The following SNRNP35 variants were observed in gnomAD, a reference collection of about 807,000 sequenced individuals.
The protein encoded by SNRNP35 is small nuclear ribonucleoprotein U11/U12 subunit 35.
A neutral mutation model predicts 24.3 loss-of-function variants in SNRNP35; 16 were observed. The observed-to-expected ratio is 0.66, with a 90% CI of 0.45 to 1.00. The LOEUF (loss-of-function observed/expected upper bound fraction) is 1.00. Among genes scored for constraint, SNRNP35 ranks in the 50% least tolerant of loss-of-function variants. The pLI is 0.00. For synonymous variants in SNRNP35, 106 were observed against 124.8 expected (o/e 0.85, Z 1.00); for missense variants, 292 against 327.2 (o/e 0.89, Z 0.83).
At chr12:123,472,412 T>A (rs1206342384) in exon 2 of SNRNP35, 11 of 986,496 alleles carry the variant, frequency 1.1e-5, no homozygotes, top group Non-Finnish European at 1.5e-5. Flanking sequence ...ACAGTCTGTT[T>A]GAGGGGTCAG....
downstream of SNRNP35, among the ~76,000 whole-genome samples, chr12:123,469,322 T>G: frequency 6.6e-6 from 1 of 151,928 alleles, no homozygotes; most frequent in East Asian, 1.9e-4. Context: ...GCCCAGCTAA[T>G]TTTTGTATTT....
chr12:123,470,023 G>T (rs1881114372), downstream of SNRNP35: 1 of 151,876 alleles, frequency 6.6e-6, no homozygotes, highest in Non-Finnish European at 1.5e-5. Flanking sequence ...AAAAAGGAAA[G>T]AAGGAATATA....
intron 1 of SNRNP35, chr12:123,464,761 G>GATTATCAGATC (rs1880850050): frequency 6.6e-6 from 1 of 152,308 alleles, no homozygotes; most frequent in African/African-American, 2.4e-5. Flanking sequence ...AGTCTAAACG[G>GATTATCAGATC]ATTATCAGCT....
In SNRNP35 at chr12:123,466,054, A is replaced by C; in HGVS notation, c.514A>C (p.Lys172Gln). ...FRKPINLPVV[K>Q]NDLYREGKRE... ...AAAACCTATTAACTTGCCAGTTGTT[A>C]AAAACGACCTCTATAGAGAGGGAAA... is the stretch of plus-strand genomic sequence containing the variant. Residue 172 changes from lysine to glutamine, a missense_variant, in exon 2 of 2, where the codon AAA becomes CAA. Lys to Gln is a moderately conservative substitution (Grantham distance 53, BLOSUM62 1). Transcript: ENST00000526639. 1.9e-6 allele frequency: 3 copies of C among 1,614,136 alleles called. No homozygotes were observed. The highest frequency in any genetic ancestry group is 2.5e-6 in the Non-Finnish European group (3 of 1,180,040).
At chr12:123,461,969 C>T (rs1445328653) in intron 1 of SNRNP35, among the ~76,000 whole-genome samples, 1 of 152,074 alleles carries the variant, frequency 6.6e-6, no homozygotes, top group Admixed American at 6.6e-5. Flanking sequence ...ATCCGCCTGC[C>T]TCGGCCTCCC....
chr12:123,470,003 T>C (rs140164322), downstream of SNRNP35: 1 of 151,782 alleles, frequency 6.6e-6, no homozygotes, highest in Non-Finnish European at 1.5e-5. Flanking sequence ...TAAGACCTTG[T>C]CCCTTAAGAA....
At chr12:123,461,435 T>A (rs576560953) in intron 1 of SNRNP35, among the ~76,000 whole-genome samples, 68 of 151,940 alleles carry the variant, frequency 4.5e-4, no homozygotes, top group Middle Eastern at 6.8e-3. Flanking sequence ...TGCCTCTTCT[T>A]TTTTTCACGT....
downstream of SNRNP35, chr12:123,471,032 A>T (rs1357838196): frequency 6.6e-6 from 1 of 151,318 alleles, no homozygotes; most frequent in African/African-American, 2.4e-5. Context: ...AGCAGAGTCC[A>T]TTCTAGATTC....
intron 1 of SNRNP35, among the ~76,000 whole-genome samples, chr12:123,460,621 A>AG (rs1326569541): frequency 7.9e-4 from 118 of 149,562 alleles, no homozygotes; most frequent in African/African-American, 2.9e-3. Flanking sequence ...AAAAAAAAAA[A>AG]AAAGCTGGGT....
Position 123,465,443 on chromosome 12 carries a change from G to C in SNRNP35, c.-3-95G>C, listed in dbSNP as rs758802003. On this transcript the variant is annotated intron_variant, in intron 1 of 1. Transcript: ENST00000526639. The surrounding 1 kb of genome is among the most constrained non-coding windows in gnomAD (Gnocchi z 4.2). The stretch of plus-strand genomic sequence containing the variant: ...CTTCCTTTCCTGTTTTTAAGAAGAG[G>C]TGAATGATAGTATCCTTTTCATGGC... 2.2e-5 allele frequency: 30 copies of C among 1,393,420 alleles called. No homozygotes were observed. The highest frequency in any genetic ancestry group is 2.9e-5 in the Non-Finnish European group (30 of 1,045,926). The allele number at this position is 1,393,420 out of a possible 1,614,324, so 86.3% of individuals were successfully genotyped here.
At chr12:123,468,305 G>A (rs1881045155), downstream of SNRNP35, among the ~76,000 whole-genome samples, 2 of 140,488 alleles carry the variant, frequency 1.4e-5, 1 homozygote, top group African/African-American at 5.4e-5. Context: ...GTTGCAGTGA[G>A]CCAAGACCGG....
chr12:123,470,086 A>C (rs996281266), downstream of SNRNP35: 2 of 152,150 alleles, frequency 1.3e-5, no homozygotes, highest in Non-Finnish European at 2.9e-5. Flanking sequence ...ATTTTACATA[A>C]TTGCATGTAT....
chr12:123,460,976 TTTTTTTA>T (rs1360090165), intron 1 of SNRNP35, among the ~76,000 whole-genome samples: 1 of 148,628 alleles, frequency 6.7e-6, no homozygotes, highest in Admixed American at 6.7e-5. Flanking sequence ...TTTTTTTTTT[TTTTTTTA>T]AAAACAGAGA....
downstream of SNRNP35, among the ~76,000 whole-genome samples, chr12:123,469,877 A>T (rs917870115): frequency 7.6e-5 from 3 of 39,512 alleles, no homozygotes; most frequent in South Asian, 1.9e-3. Context: ...CATTTAAATA[A>T]AAAAAAAAAG....
intron 1 of SNRNP35, among the ~76,000 whole-genome samples, chr12:123,460,956 CTT>C (rs35246652): frequency 2.9e-4 from 36 of 122,762 alleles, no homozygotes; most frequent in East Asian, 6.3e-4. Flanking sequence ...TGCGCCTGGC[CTT>C]TTTTTTTTTT....
At chr12:123,468,101 G>A (rs186278529), downstream of SNRNP35, among the ~76,000 whole-genome samples, 56 of 152,204 alleles carry the variant, frequency 3.7e-4, no homozygotes, top group South Asian at 2.7e-3. Context: ...GCTCACGGCT[G>A]TGATCCCAGC....
intron 1 of SNRNP35, among the ~76,000 whole-genome samples, chr12:123,462,485 GTGAGGGTCAGAGGTCTTTT>G (rs1271023462): frequency 2.0e-5 from 3 of 150,846 alleles, no homozygotes; most frequent in Admixed American, 6.6e-5. Flanking sequence ...GAGAGGCTAA[GTGAGGGTCAGAGGTCTTTT>G]TTTTTTTTTT....
downstream of SNRNP35, among the ~76,000 whole-genome samples, chr12:123,469,709 C>T (rs571654514): frequency 2.0e-5 from 3 of 152,066 alleles, no homozygotes; most frequent in Middle Eastern, 6.8e-3. Flanking sequence ...TGCTATGTCA[C>T]CTAGGTTTGT....
chr12:123,470,788 AAGAG>A (rs376558825), downstream of SNRNP35: 13 of 152,262 alleles, frequency 8.5e-5, no homozygotes, highest in African/African-American at 3.1e-4. Flanking sequence ...TCTCAAAAAA[AAGAG>A]AGACATTTAG....
Sources: allele counts gnomAD v4.1 joint callset (sites outside exome capture counted in the v4.1 genomes callset), GRCh38; gene constraint gnomAD v4.1.1; non-coding constraint Gnocchi (gnomAD v3.1); transcripts MANE v1.5; gene names NCBI Gene and HGNC (gene_info 2026-07-23, HGNC 2026-07-21).